The following NRXN3 variants were observed in gnomAD, a reference collection of about 807,000 sequenced individuals.
NRXN3 encodes neurexin III.
NRXN3 carries 32 observed loss-of-function variants against 137.6 expected under a neutral mutation model. The observed-to-expected ratio is 0.23, with a 90% CI of 0.18 to 0.31. NRXN3 has a LOEUF of 0.31. Among genes scored for constraint, NRXN3 ranks in the 10% least tolerant of loss-of-function variants. The pLI, the probability that NRXN3 is intolerant of heterozygous loss-of-function variation, is 1.00. For missense variants in NRXN3, 1,574 were observed against 2,062.5 expected, an observed-to-expected ratio of 0.76 and a Z score of 4.59; for synonymous variants, 798 against 784.5, an observed-to-expected ratio of 1.02 and a Z score of -0.29.
chr14:78,882,554 C>T (rs2099132189), intron 10 of NRXN3, among the ~76,000 whole-genome samples: 1 of 151,748 alleles, frequency 6.6e-6, no homozygotes. Flanking sequence ...TATTGGATTA[C>T]TTGCATGAGG....
intron 15 of NRXN3, among the ~76,000 whole-genome samples, chr14:79,011,657 T>C (rs2099571526): frequency 6.6e-6 from 1 of 152,002 alleles, no homozygotes; most frequent in Admixed American, 6.6e-5. Flanking sequence ...TCAGCATGTC[T>C]CCACAGGCTA....
intron 4 of NRXN3, among the ~76,000 whole-genome samples, chr14:78,583,423 C>A (rs779700789): frequency 6.6e-6 from 1 of 150,632 alleles, no homozygotes; most frequent in Admixed American, 6.6e-5. Context: ...AAACCTCAAT[C>A]TATCAAAAAA....
At chr14:78,556,039 A>G (rs1248308343) in intron 4 of NRXN3, among the ~76,000 whole-genome samples, 3 of 152,220 alleles carry the variant, frequency 2.0e-5, no homozygotes, top group Non-Finnish European at 4.4e-5. Context: ...CAAGGTTCCT[A>G]TGTGTGCACT....
intron 15 of NRXN3, among the ~76,000 whole-genome samples, chr14:79,419,759 A>C (rs1031496461): frequency 1.2e-4 from 19 of 152,184 alleles, no homozygotes; most frequent in Non-Finnish European, 2.5e-4. Flanking sequence ...CAAAATGAGG[A>C]TGGAAGCTCC....
intron 19 of NRXN3, among the ~76,000 whole-genome samples, chr14:79,738,841 G>A (rs2098951097): frequency 1.3e-5 from 2 of 152,234 alleles, no homozygotes; most frequent in Non-Finnish European, 2.9e-5. Flanking sequence ...TTACAGACAT[G>A]AGCCACTGCG....
chr14:79,514,019 A>G (rs561313527), intron 16 of NRXN3, among the ~76,000 whole-genome samples: 1 of 152,218 alleles, frequency 6.6e-6, no homozygotes, highest in African/African-American at 2.4e-5. Flanking sequence ...ACAGAGAAAT[A>G]TAGAAAATTA....
chr14:79,208,379 C>T (rs1336160464), intron 15 of NRXN3, among the ~76,000 whole-genome samples: 1 of 152,072 alleles, frequency 6.6e-6, no homozygotes. Flanking sequence ...TAAAGCTGAG[C>T]CAAGAACATC....
intron 15 of NRXN3, among the ~76,000 whole-genome samples, chr14:79,114,574 A>T (rs1216944628): frequency 1.3e-5 from 2 of 152,218 alleles, no homozygotes; most frequent in African/African-American, 4.8e-5. Flanking sequence ...TTTTGTGTAT[A>T]TTACTTAAAA....
chr14:79,356,907 T>C (rs2093443741), intron 15 of NRXN3, among the ~76,000 whole-genome samples: 1 of 152,084 alleles, frequency 6.6e-6, no homozygotes, highest in Non-Finnish European at 1.5e-5. Context: ...TTTTGTATTT[T>C]TAGTAGAGGC....
chr14:79,022,915 T>G (rs905443212), intron 15 of NRXN3, among the ~76,000 whole-genome samples: 3 of 152,136 alleles, frequency 2.0e-5, no homozygotes. Flanking sequence ...AAAGGCCTTT[T>G]GAGCAAGTGT....
At chr14:78,796,745 C>T (rs552404058) in intron 8 of NRXN3, among the ~76,000 whole-genome samples, 2 of 152,276 alleles carry the variant, frequency 1.3e-5, no homozygotes, top group East Asian at 1.9e-4. Flanking sequence ...ACAGATGCCT[C>T]ATCCAGGAGG....
chr14:79,412,511 G>A (rs1356767964), intron 15 of NRXN3, among the ~76,000 whole-genome samples: 1 of 152,008 alleles, frequency 6.6e-6, no homozygotes, highest in African/African-American at 2.4e-5. Context: ...TGGCTCAGTG[G>A]CTCACGCCTG....
At chr14:79,270,129 A>G (rs1371461089) in intron 15 of NRXN3, among the ~76,000 whole-genome samples, 1 of 152,218 alleles carries the variant, frequency 6.6e-6, no homozygotes, top group African/African-American at 2.4e-5. Context: ...AAAATAACTT[A>G]GAGGTTATAT....
chr14:79,431,566 C>A (rs1349581747), intron 15 of NRXN3, among the ~76,000 whole-genome samples: 1 of 152,004 alleles, frequency 6.6e-6, no homozygotes, highest in Non-Finnish European at 1.5e-5. Flanking sequence ...ACTGTATTGA[C>A]AGCCTAAGCA....
chr14:78,970,584 AG>A (rs2099434318), intron 14 of NRXN3, among the ~76,000 whole-genome samples: 1 of 152,222 alleles, frequency 6.6e-6, no homozygotes, highest in African/African-American at 2.4e-5. Context: ...TTGGATTAAA[AG>A]GAGGTCTAAG....
chr14:79,861,084 C>G lies in NRXN3; in HGVS notation c.4094-258C>G, dbSNP rs2099413072. The G allele has an allele frequency of 7.0e-7, 1 of 1,430,044 alleles. No individual in the cohort carries two copies. The highest frequency in any genetic ancestry group is 1.4e-5 in the African/African-American group (1 of 69,600). The allele number at this position is 1,430,044 out of a possible 1,614,324, so 88.6% of individuals were successfully genotyped here. A position where few individuals can be genotyped will look rare whatever the true frequency, so the allele number is the denominator to read the frequency against. On this transcript the variant is annotated intron_variant, in intron 20 of 20. Transcript: ENST00000335750. The surrounding 1 kb of genome is among the most constrained non-coding windows in gnomAD (Gnocchi z 5.4). ...CTTCTTGTAGAAGACCCTTTAGCTA[C>G]CCCTCCTATTGCTACTCGTGCACCT...
chr14:78,401,823 A>C (rs1300892596), intron 4 of NRXN3, among the ~76,000 whole-genome samples: 1 of 152,218 alleles, frequency 6.6e-6, no homozygotes, highest in Non-Finnish European at 1.5e-5. Flanking sequence ...TATTCATTAT[A>C]GTTAAAAAGG....
intron 19 of NRXN3, among the ~76,000 whole-genome samples, chr14:79,699,384 C>A (rs1259147530): frequency 1.3e-5 from 2 of 152,028 alleles, no homozygotes; most frequent in Non-Finnish European, 2.9e-5. Flanking sequence ...TTGTTTCTGT[C>A]AGAATGTATT....
intron 15 of NRXN3, among the ~76,000 whole-genome samples, chr14:79,349,296 C>A (rs1385916371): frequency 1.3e-5 from 2 of 151,018 alleles, no homozygotes; most frequent in African/African-American, 4.9e-5. Context: ...TCTCCGGAAT[C>A]TTTAAAAAAA....
Sources: allele counts gnomAD v4.1 joint callset (sites outside exome capture counted in the v4.1 genomes callset), GRCh38; gene constraint gnomAD v4.1.1; non-coding constraint Gnocchi (gnomAD v3.1); transcripts MANE v1.5; gene names NCBI Gene and HGNC (gene_info 2026-07-23, HGNC 2026-07-21).